The following GYPE variants were observed in gnomAD, a reference collection of about 807,000 sequenced individuals.
The protein encoded by GYPE is glycophorin-E.
A neutral mutation model predicts 11.6 loss-of-function variants in GYPE; 8 were observed. That is an observed-to-expected ratio of 0.69 (90% CI 0.41 to 1.25). GYPE has a LOEUF of 1.25. GYPE is among the 50% of genes most tolerant of loss of function. The pLI is 0.01. For synonymous variants in GYPE, 28 were observed against 29.6 expected (o/e 0.94, Z 0.18); for missense variants, 90 against 92.8 (o/e 0.97, Z 0.12).
At chr4:143,899,619 C>T (rs4082081) in intron 1 of GYPE, among the ~76,000 whole-genome samples, 140,199 of 151,218 alleles carry the variant, frequency 0.93, 65,959 homozygotes, top group East Asian at 1. Flanking sequence ...GCCCCAAGAA[C>T]AGACATATTC....
chr4:143,876,400 A>G (rs1743810326), intron 3 of GYPE, among the ~76,000 whole-genome samples: 1 of 152,180 alleles, frequency 6.6e-6, no homozygotes, highest in Non-Finnish European at 1.5e-5. Flanking sequence ...ATGTAAATAT[A>G]TTATTTTAAA....
chr4:143,881,833 C>T (rs1385267192), intron 1 of GYPE, among the ~76,000 whole-genome samples: 1 of 152,152 alleles, frequency 6.6e-6, no homozygotes, highest in Non-Finnish European at 1.5e-5. Context: ...GGGAATGGCA[C>T]CCAAGTGCAA....
chr4:143,897,312 CA>C (rs956157816), intron 1 of GYPE, among the ~76,000 whole-genome samples: 2 of 151,388 alleles, frequency 1.3e-5, no homozygotes, highest in Admixed American at 6.6e-5. Context: ...AATTAAATAA[CA>C]AAAAAATTAG....
chr4:143,886,469 A>G (rs1374935009), intron 1 of GYPE, among the ~76,000 whole-genome samples: 1 of 113,716 alleles, frequency 8.8e-6, no homozygotes, highest in African/African-American at 3.0e-5. Flanking sequence ...TTTGATAACA[A>G]CAGCTCACAC....
chr4:143,902,697 A>T (rs1358939238), intron 1 of GYPE, among the ~76,000 whole-genome samples: 1 of 151,912 alleles, frequency 6.6e-6, no homozygotes, highest in African/African-American at 2.4e-5. Flanking sequence ...TGCTACTATA[A>T]ATACCAATCG....
At chr4:143,883,713 T>C (rs1744144305) in intron 1 of GYPE, among the ~76,000 whole-genome samples, 1 of 149,514 alleles carries the variant, frequency 6.7e-6, no homozygotes, top group Non-Finnish European at 1.5e-5. Context: ...TTAAACCAAA[T>C]GACAAAATAG....
intron 3 of GYPE, 49 bp downstream of exon 3, chr4:143,876,697 G>T: frequency 2.3e-6 from 2 of 887,234 alleles, no homozygotes; most frequent in Non-Finnish European, 3.7e-6. Context: ...AACCCTCCGA[G>T]AGCTGTTCAC....
Position 143,871,458 on chromosome 4 carries a change from C to T in GYPE, c.*804G>A, listed in dbSNP as rs1198708871. ...AGAATTACTGAGTTTGTGTTCACTG[C>T]TGGGGCCAGATCTCTTTGCAGGGCT... On this transcript the variant is annotated 3_prime_UTR_variant, in exon 4 of 4. Coordinates refer to ENST00000358615, the MANE Select transcript of GYPE (RefSeq NM_198682.3). The T allele has an allele frequency of 2.6e-5, 4 of 152,292 alleles. No homozygotes were observed. In the East Asian group the frequency reaches 7.8e-4, roughly 30 times the overall value. 9.4% of individuals were successfully genotyped at this position (152,292 alleles called of 1,614,324 possible).
At chr4:143,883,028 A>G (rs1181360377) in intron 1 of GYPE, among the ~76,000 whole-genome samples, 1 of 152,142 alleles carries the variant, frequency 6.6e-6, no homozygotes. Context: ...TCATGTGGAA[A>G]TGTAATCCCC....
intron 1 of GYPE, among the ~76,000 whole-genome samples, chr4:143,889,298 A>G (rs114521586): frequency 7.6e-4 from 115 of 152,100 alleles, no homozygotes; most frequent in Non-Finnish European, 1.4e-3. Context: ...GTGGAGAAAA[A>G]AATTGGTCAC....
intron 1 of GYPE, among the ~76,000 whole-genome samples, chr4:143,893,376 T>A (rs2149912779): frequency 7.1e-6 from 1 of 141,274 alleles, no homozygotes; most frequent in Admixed American, 7.3e-5. Flanking sequence ...GTGATTTTGC[T>A]CATTAGTTGA....
In GYPE at chr4:143,889,534, A is replaced by T. The variant is rs180805809; in HGVS notation, c.38-9025T>A. The stretch of plus-strand genomic sequence containing the variant: ...GTCTCTCTTTTTAAACTTTAAAAAA[A>T]GTTTTGCTTTTTTCTTGAGATAGGG... On this transcript the variant is annotated intron_variant, in intron 1 of 3. Coordinates refer to ENST00000358615, the MANE Select transcript of GYPE (RefSeq NM_198682.3). Among the ~76,000 whole-genome samples the T allele has an allele frequency of 1.5e-3, 221 of 152,210 alleles. 1 individual carries two copies. Among genetic ancestry groups the T allele is most frequent in the African/African-American group, 4.7e-3 (196 of 41,516 alleles).
chr4:143,905,046 T>A (rs1292559599), intron 1 of GYPE, among the ~76,000 whole-genome samples: 1 of 152,080 alleles, frequency 6.6e-6, no homozygotes, highest in African/African-American at 2.4e-5. Context: ...TGCTTTTGGC[T>A]TCTCACCATT....
At chr4:143,877,150 T>C (rs1743847759) in intron 2 of GYPE, among the ~76,000 whole-genome samples, 1 of 152,164 alleles carries the variant, frequency 6.6e-6, no homozygotes. Flanking sequence ...CTAGTGTAAC[T>C]GTAGATAAGA....
chr4:143,904,256 TGATA>T (rs1388821204), intron 1 of GYPE, among the ~76,000 whole-genome samples: 1 of 152,116 alleles, frequency 6.6e-6, no homozygotes, highest in Non-Finnish European at 1.5e-5. Flanking sequence ...TTATTAATCA[TGATA>T]GTTAATTCTA....
At chr4:143,889,586 C>G (rs1175338504) in intron 1 of GYPE, among the ~76,000 whole-genome samples, 3 of 152,174 alleles carry the variant, frequency 2.0e-5, no homozygotes, top group African/African-American at 7.2e-5. Flanking sequence ...ATACTAGCCT[C>G]AAACTCCTAG....
chr4:143,881,527 A>G (rs1389809242), intron 1 of GYPE, among the ~76,000 whole-genome samples: 1 of 152,136 alleles, frequency 6.6e-6, no homozygotes, highest in Non-Finnish European at 1.5e-5. Flanking sequence ...TTATATCTAA[A>G]TATGGGATCA....
chr4:143,880,337 A>C (rs1404059000), intron 2 of GYPE, 74 bp downstream of exon 2: 6 of 1,609,284 alleles, frequency 3.7e-6, no homozygotes, highest in Non-Finnish European at 5.1e-6. Flanking sequence ...CTGCAGTGAC[A>C]GGTCCCCTAA....
At chr4:143,876,985 C>T (rs1379087319) in intron 2 of GYPE, 130 bp from the exon 3 acceptor site, 1 of 668,842 alleles carries the variant, frequency 1.5e-6, no homozygotes, top group East Asian at 2.8e-5. Flanking sequence ...AATATACTAT[C>T]ATGTGTATTT....
Sources: allele counts gnomAD v4.1 joint callset (sites outside exome capture counted in the v4.1 genomes callset), GRCh38; gene constraint gnomAD v4.1.1; transcripts MANE v1.5; gene names NCBI Gene and HGNC (gene_info 2026-07-23, HGNC 2026-07-21).